KLF12: variants seen among roughly 807,000 people sequenced by gnomAD.
KLF12 encodes KLF transcription factor 12.
KLF12 carries 9 observed loss-of-function variants against 37.8 expected under a neutral mutation model. That is an observed-to-expected ratio of 0.24 (90% CI 0.14 to 0.42). The LOEUF (loss-of-function observed/expected upper bound fraction) is 0.42, where lower values mean the gene tolerates loss of function less well. Among genes scored for constraint, KLF12 ranks in the 10% least tolerant of loss-of-function variants. The pLI is 1.00. For synonymous variants in KLF12, 208 were observed against 202.1 expected (o/e 1.03, Z -0.25); for missense variants, 411 against 516.0 (o/e 0.80, Z 1.97).
At chr13:74,095,131 T>C (rs1449981621) in intron 1 of KLF12, among the ~76,000 whole-genome samples, 1 of 152,180 alleles carries the variant, frequency 6.6e-6, no homozygotes, top group African/African-American at 2.4e-5. Context: ...ACTCTGATCA[T>C]ATATCCTCCA....
chr13:73,983,981 A>T (rs1891753963), intron 2 of KLF12, among the ~76,000 whole-genome samples: 1 of 152,186 alleles, frequency 6.6e-6, no homozygotes, highest in Non-Finnish European at 1.5e-5. Flanking sequence ...ATGTGACAGC[A>T]CTGTCCTCTC....
chr13:73,903,165 G>A (rs8002047), intron 3 of KLF12, among the ~76,000 whole-genome samples: 7,163 of 152,218 alleles, frequency 0.047, 388 homozygotes, highest in African/African-American at 0.13. Flanking sequence ...CACTTGGCTG[G>A]TGTCTAACTG....
At chr13:73,769,725 T>C (rs9543453) in intron 5 of KLF12, among the ~76,000 whole-genome samples, 36,946 of 152,080 alleles carry the variant, frequency 0.24, 4,909 homozygotes, top group East Asian at 0.46. Context: ...ATGTTCCTTC[T>C]GGTATCTTCT....
intron 1 of KLF12, among the ~76,000 whole-genome samples, chr13:74,118,380 C>T (rs1320917843): frequency 6.6e-6 from 1 of 152,162 alleles, no homozygotes. Flanking sequence ...ACACGTCTCA[C>T]AATGCTTAAT....
chr13:74,122,727 G>A (rs146549054), intron 1 of KLF12, among the ~76,000 whole-genome samples: 4 of 152,112 alleles, frequency 2.6e-5, no homozygotes, highest in African/African-American at 9.6e-5. Flanking sequence ...AGTAGCAGCT[G>A]AGAAGGATTT....
At position 73,904,469 on chromosome 13, in the gene KLF12, C is replaced by CTTTTTTTTTTTTTTTTTTTTTTTTTTTT. The variant is rs11342071; in HGVS notation, c.123+39511_123+39512insAAAAAAAAAAAAAAAAAAAAAAAAAAAA. ...CAGTTTCTCATGTTTTCTTTCTTTC[C>CTTTTTTTTTTTTTTTTTTTTTTTTTTTT]TTTTTTTTTTTTTTTTTTTTTTTAC... On this transcript the variant is annotated intron_variant, in intron 3 of 7. Transcript: ENST00000377669. Among the ~76,000 whole-genome samples, 3 of 92,030 alleles carry CTTTTTTTTTTTTTTTTTTTTTTTTTTTT rather than the reference C, an allele frequency of 3.3e-5. 1 individual carries two copies. The highest frequency in any genetic ancestry group is 4.5e-5 in the African/African-American group (1 of 22,160). 60.4% of individuals were successfully genotyped at this position (92,030 alleles called of 152,430 possible). A position where few individuals can be genotyped will look rare whatever the true frequency, so the allele number is the denominator to read the frequency against.
chr13:73,867,239 GA>G (rs202121029), intron 3 of KLF12, among the ~76,000 whole-genome samples: 2,231 of 151,552 alleles, frequency 0.015, 26 homozygotes, highest in Middle Eastern at 0.044. Context: ...GTAAATGAAT[GA>G]AAAAAACACT....
chr13:73,770,688 A>G (rs1367440878), intron 5 of KLF12, among the ~76,000 whole-genome samples: 1 of 151,824 alleles, frequency 6.6e-6, no homozygotes, highest in Non-Finnish European at 1.5e-5. Context: ...TGTAATGGCT[A>G]ATTTTTGTAT....
intron 5 of KLF12, among the ~76,000 whole-genome samples, chr13:73,792,308 A>G (rs952917850): frequency 6.6e-6 from 1 of 152,220 alleles, no homozygotes; most frequent in Non-Finnish European, 1.5e-5. Context: ...AGTTATAATA[A>G]ATGTATTTTA....
chr13:74,190,761 T>C, the KLF12 span, among the ~76,000 whole-genome samples: 1 of 152,198 alleles, frequency 6.6e-6, no homozygotes, highest in Non-Finnish European at 1.5e-5. Flanking sequence ...ATAAAGTAGA[T>C]ATTATTATTT....
chr13:73,725,830 AATGTATTT>A (rs1422358882), intron 6 of KLF12, among the ~76,000 whole-genome samples: 20 of 136,386 alleles, frequency 1.5e-4, no homozygotes, highest in Non-Finnish European at 2.5e-4. Flanking sequence ...CATATTTCAA[AATGTATTT>A]ATTTATTTAT....
the KLF12 span, among the ~76,000 whole-genome samples, chr13:74,243,369 G>A: frequency 5.5e-4 from 83 of 152,234 alleles, no homozygotes; most frequent in South Asian, 0.01. Flanking sequence ...GGGCATTTGG[G>A]TTGGTTCTAA....
At chr13:73,867,974 T>C (rs920647390) in intron 3 of KLF12, among the ~76,000 whole-genome samples, 1 of 150,824 alleles carries the variant, frequency 6.6e-6, no homozygotes, top group Non-Finnish European at 1.5e-5. Context: ...TGAGCCAAGA[T>C]TGTGCTATTG....
At chr13:74,163,674 C>CTA in the KLF12 span, among the ~76,000 whole-genome samples, 6 of 151,988 alleles carry the variant, frequency 3.9e-5, no homozygotes, top group African/African-American at 1.5e-4. Flanking sequence ...AATAGGGTGA[C>CTA]TATAGTCAAT....
At chr13:74,015,142 T>C (rs1259858015) in intron 1 of KLF12, among the ~76,000 whole-genome samples, 3 of 152,184 alleles carry the variant, frequency 2.0e-5, no homozygotes, top group African/African-American at 7.2e-5. Context: ...CTAGAAAATG[T>C]TTACTCTTCT....
chr13:73,697,214 C>T (rs1188399768), intron 7 of KLF12, among the ~76,000 whole-genome samples: 1 of 152,164 alleles, frequency 6.6e-6, no homozygotes, highest in African/African-American at 2.4e-5. Flanking sequence ...CTGGACCCAA[C>T]ATTTTTCATT....
At chr13:73,983,390 C>T (rs1256014406) in intron 2 of KLF12, among the ~76,000 whole-genome samples, 1 of 152,194 alleles carries the variant, frequency 6.6e-6, no homozygotes, top group Non-Finnish European at 1.5e-5. Context: ...CCATTCTTCT[C>T]TCCAGTATCA....
chr13:74,160,736 C>T, the KLF12 span, among the ~76,000 whole-genome samples: 2 of 152,184 alleles, frequency 1.3e-5, no homozygotes, highest in Non-Finnish European at 2.9e-5. Context: ...GAGAATGGGA[C>T]ATACTGCATG....
chr13:73,981,189 G>C (rs1891680168), intron 2 of KLF12, among the ~76,000 whole-genome samples: 1 of 152,014 alleles, frequency 6.6e-6, no homozygotes, highest in South Asian at 2.1e-4. Flanking sequence ...AAAAACTATT[G>C]CAACTACATG....
Sources: gnomAD v4.1 joint callset for allele counts (sites outside exome capture counted in the v4.1 genomes callset) on GRCh38, gnomAD v4.1.1 for gene constraint, MANE v1.5 for transcripts, NCBI Gene and HGNC (gene_info 2026-07-23, HGNC 2026-07-21) for gene names.